Variants in ZNF589 observed in about 807,000 individuals in gnomAD.
ZNF589 encodes KRAB-zinc finger protein SZF1-1.
Under a neutral mutation model 13.6 loss-of-function variants are expected in ZNF589, and 17 were observed. The observed-to-expected ratio is 1.25, with a 90% confidence interval of 0.86 to 1.88. The LOEUF is 1.88. ZNF589 is among the 40% of genes most tolerant of loss of function. ZNF589 has a pLI of 0.00. For synonymous variants in ZNF589, 148 were observed against 161.6 expected (o/e 0.92, Z 0.64); for missense variants, 407 against 434.0 (o/e 0.94, Z 0.55).
chr3:48,261,746 T>C (rs2106845114), intron 3 of ZNF589, among the ~76,000 whole-genome samples: 1 of 152,350 alleles, frequency 6.6e-6, no homozygotes, highest in South Asian at 2.1e-4. Flanking sequence ...TACATAGTTC[T>C]GATTTGTTCT....
chr3:48,267,909 C>A lies in ZNF589; in HGVS notation c.224-6C>A. 6.3e-7 allele frequency: 1 copy of A among 1,599,032 alleles called. No individual in the cohort carries two copies. Among genetic ancestry groups the A allele is most frequent in the Non-Finnish European group, 8.5e-7 (1 of 1,175,690 alleles). Reference sequence around the variant, plus strand: ...ACTCTTCTGACTGGAAACTTTCTTTCTTCAGCAGAATCAAAGCCAGAAGTC... The same window carrying A: ...ACTCTTCTGACTGGAAACTTTCTTTATTCAGCAGAATCAAAGCCAGAAGTC... On this transcript the variant is annotated splice_region_variant and splice_polypyrimidine_tract_variant and intron_variant, in intron 3 of 3. Coordinates refer to ENST00000354698, the MANE Select transcript of ZNF589 (RefSeq NM_016089.3).
intron 3 of ZNF589, among the ~76,000 whole-genome samples, chr3:48,266,828 T>C (rs543335695): frequency 6.6e-6 from 1 of 152,372 alleles, no homozygotes; most frequent in African/African-American, 2.4e-5. Context: ...ATCCTCAGTG[T>C]TGTAAATATC....
At chr3:48,250,306 CTTTTTTT>C (rs34016179) in intron 2 of ZNF589, among the ~76,000 whole-genome samples, 4 of 116,858 alleles carry the variant, frequency 3.4e-5, no homozygotes, top group Non-Finnish European at 3.5e-5. Flanking sequence ...TCTCTACTTT[CTTTTTTT>C]TTTTTTTTTT....
At chr3:48,259,029 G>T (rs1254811549) in intron 2 of ZNF589, among the ~76,000 whole-genome samples, 3 of 152,178 alleles carry the variant, frequency 2.0e-5, no homozygotes, top group Non-Finnish European at 4.4e-5. Flanking sequence ...AAAGGGGAAA[G>T]ATCACTGAGA....
intron 1 of ZNF589, among the ~76,000 whole-genome samples, chr3:48,242,992 G>C (rs2033715357): frequency 2.0e-5 from 3 of 151,788 alleles, no homozygotes; most frequent in Admixed American, 2.0e-4. Context: ...AGAATTGCTT[G>C]AACCTTGGAG....
At chr3:48,264,133 C>T (rs79968885) in intron 3 of ZNF589, among the ~76,000 whole-genome samples, 1,710 of 152,282 alleles carry the variant, frequency 0.011, 35 homozygotes, top group African/African-American at 0.039. Flanking sequence ...GTCAAAGAAG[C>T]AGTAGGTGGA....
At chr3:48,256,017 G>T (rs1201790232) in intron 2 of ZNF589, among the ~76,000 whole-genome samples, 3 of 151,600 alleles carry the variant, frequency 2.0e-5, no homozygotes, top group Non-Finnish European at 4.4e-5. Context: ...TACAATGATT[G>T]ATTTTCTTTT....
At chr3:48,256,550 T>G in intron 2 of ZNF589, 2 of 661,732 alleles carry the variant, frequency 3.0e-6, no homozygotes, top group East Asian at 2.9e-5. Flanking sequence ...AGGCCTGTGA[T>G]TTGGTAACAG....
At chr3:48,248,480 G>T (rs931761150) in intron 2 of ZNF589, among the ~76,000 whole-genome samples, 2 of 152,154 alleles carry the variant, frequency 1.3e-5, no homozygotes, top group Admixed American at 1.3e-4. Flanking sequence ...ACGAAATGGG[G>T]TTATGTTTTG....
rs1431689814 is a variant in ZNF589, at chr3:48,265,186, G to GGTCTTGAA, written c.224-2728_224-2721dup. Among the ~76,000 whole-genome samples, 84 of 150,950 alleles carry GGTCTTGAA rather than the reference G, an allele frequency of 5.6e-4. 1 individual carries two copies. Among genetic ancestry groups the GGTCTTGAA allele is most frequent in the African/African-American group, 2.0e-3 (83 of 41,026 alleles). ...GAGGTTTCGCCATATTTGCCAGGCTGGTCTTGAACTCCTGACCTCATGTGA... is the reference window on the plus strand; with the variant it reads ...GAGGTTTCGCCATATTTGCCAGGCTGGTCTTGAAGTCTTGAACTCCTGACCTCATGTGA... On this transcript the variant is annotated intron_variant, in intron 3 of 3. Transcript: ENST00000354698.
Position 48,268,827 on chromosome 3 carries a change from A to G in ZNF589, c.*41A>G. 3 of 1,578,970 alleles carry G rather than the reference A, an allele frequency of 1.9e-6. No individual in the cohort carries two copies. Among genetic ancestry groups the G allele is most frequent in the Non-Finnish European group, 2.6e-6 (3 of 1,163,556 alleles). On this transcript the variant is annotated 3_prime_UTR_variant, in exon 4 of 4. Coordinates refer to ENST00000354698, the MANE Select transcript of ZNF589 (RefSeq NM_016089.3). ...AGGAGATCATGTCTCAACACACACC[A>G]GAGGATACATTCAGATGAGAAGCCT... is the stretch of plus-strand genomic sequence containing the variant.
chr3:48,264,196 TC>T (rs1415672457), intron 3 of ZNF589, among the ~76,000 whole-genome samples: 1 of 152,140 alleles, frequency 6.6e-6, no homozygotes, highest in Non-Finnish European at 1.5e-5. Context: ...TTATGGACTT[TC>T]TTTTTTTTAA....
intron 2 of ZNF589, chr3:48,256,397 G>T: frequency 1.8e-6 from 1 of 567,302 alleles, no homozygotes; most frequent in Non-Finnish European, 3.5e-6. Context: ...TTGTCCCTCA[G>T]GAGGGTTGAC....
At chr3:48,258,651 G>A (rs1343519726) in intron 2 of ZNF589, among the ~76,000 whole-genome samples, 1 of 152,198 alleles carries the variant, frequency 6.6e-6, no homozygotes, top group African/African-American at 2.4e-5. Context: ...AATAGCAAGT[G>A]TTTACTGCAT....
rs1559984462 is a variant in ZNF589 at position 48,269,606 on chromosome 3, C to G, written c.*820C>G. ...TCAGAGGATACACTCGGGGGAGAAG[C>G]CTTATGCATGCGTGGAGTGTGGGCA... On this transcript the variant is annotated 3_prime_UTR_variant, in exon 4 of 4. Transcript: ENST00000354698. 3 of 339,828 alleles carry G rather than the reference C, an allele frequency of 8.8e-6. No homozygotes were observed. 21.1% of individuals were successfully genotyped at this position (339,828 alleles called of 1,614,324 possible). A position where few individuals can be genotyped will look rare whatever the true frequency, so the allele number is the denominator to read the frequency against.
chr3:48,255,999 TG>T (rs2033894823), intron 2 of ZNF589, among the ~76,000 whole-genome samples: 1 of 152,198 alleles, frequency 6.6e-6, no homozygotes, highest in Non-Finnish European at 1.5e-5. Context: ...CCTGTTAACA[TG>T]GTGGATTACA....
chr3:48,250,834 T>A (rs1366552848), intron 2 of ZNF589, among the ~76,000 whole-genome samples: 5 of 152,196 alleles, frequency 3.3e-5, no homozygotes, highest in Non-Finnish European at 7.3e-5. Flanking sequence ...GCCTATTCGT[T>A]TTCTTAACGT....
intron 2 of ZNF589, 141 bp from the exon 3 acceptor site, chr3:48,260,672 G>A (rs962768209): frequency 3.3e-5 from 39 of 1,169,126 alleles, no homozygotes; most frequent in Non-Finnish European, 4.6e-5. Flanking sequence ...GCCTCCCAAA[G>A]TGCTAGGATT....
rs1004119120 is a variant in ZNF589, at chr3:48,269,919, A to G, written c.*1133A>G. 5.0e-6 allele frequency: 2 copies of G among 398,406 alleles called. No homozygotes were observed. Among genetic ancestry groups the G allele is most frequent in the South Asian group, 1.8e-5 (1 of 54,066 alleles). 24.7% of individuals were successfully genotyped at this position (398,406 alleles called of 1,614,324 possible). On this transcript the variant is annotated 3_prime_UTR_variant, in exon 4 of 4. Coordinates refer to ENST00000354698, the MANE Select transcript of ZNF589 (RefSeq NM_016089.3). ...TTAAGAGATACTTGGAGTCAAATCT[A>G]TCCACTGTACGCCCACCCCACTCTT...
Sources: gnomAD v4.1 joint callset for allele counts (sites outside exome capture counted in the v4.1 genomes callset) on GRCh38, gnomAD v4.1.1 for gene constraint, MANE v1.5 for transcripts, NCBI Gene and HGNC (gene_info 2026-07-23, HGNC 2026-07-21) for gene names.